NOX4: variants seen among roughly 807,000 people sequenced by gnomAD.
NOX4 encodes NADPH oxidase 4, also known as kidney oxidase-1.
A neutral mutation model predicts 87.6 loss-of-function variants in NOX4; 69 were observed. That is an observed-to-expected ratio of 0.79 (90% CI 0.65 to 0.96). The LOEUF (loss-of-function observed/expected upper bound fraction) is 0.96. Among genes scored for constraint, NOX4 ranks in the 40% least tolerant of loss-of-function variants. NOX4 has a pLI of 0.00. For missense variants in NOX4, 680 were observed against 681.5 expected (o/e 1.00, Z 0.02); for synonymous variants, 275 against 238.2 (o/e 1.15, Z -1.42).
intron 3 of NOX4, 91 bp from the exon 4 acceptor site, chr11:89,449,615 T>A: frequency 1.1e-5 from 11 of 967,036 alleles, no homozygotes; most frequent in South Asian, 1.6e-5. Context: ...TCAAAATTTT[T>A]AAAATATGGC....
intron 5 of NOX4, among the ~76,000 whole-genome samples, chr11:89,442,849 C>G (rs373751363): frequency 1.2e-3 from 189 of 151,830 alleles, no homozygotes; most frequent in South Asian, 9.1e-3. Context: ...TTATTAAAGA[C>G]ATGAATTCTG....
At chr11:89,346,551 G>C (rs1769852737) in intron 13 of NOX4, among the ~76,000 whole-genome samples, 1 of 117,042 alleles carries the variant, frequency 8.5e-6, no homozygotes, top group African/African-American at 4.3e-5. Context: ...TATGGCAGCT[G>C]AATGCAGGAT....
In NOX4 at chr11:89,342,176, G is replaced by C. The variant is rs1324699109; in HGVS notation, c.1235C>G (p.Pro412Arg). 1 of 1,612,750 alleles carries C rather than the reference G, an allele frequency of 6.2e-7. No individual in the cohort carries two copies. Among genetic ancestry groups the C allele is most frequent in the South Asian group, 1.1e-5 (1 of 90,992 alleles). Residue 412 changes from proline to arginine, a missense_variant, in exon 14 of 18, where the codon CCT (proline) becomes CGT (arginine). By Grantham distance (103) the Pro-to-Arg change is moderately radical. Transcript: ENST00000263317. ...RNYPKLYIDG[P>R]FGSPFEESLN... ...TGATTCCTCAAATGGACTTCCAAAA[G>C]GACCATCAATATACAGCCTGTAGAG...
At chr11:89,525,966 A>T in the NOX4 span, among the ~76,000 whole-genome samples, 1 of 152,088 alleles carries the variant, frequency 6.6e-6, no homozygotes, top group Non-Finnish European at 1.5e-5. Context: ...TGTTGAAAAG[A>T]TTCTCTTTCT....
chr11:89,424,257 A>G (rs1031162865), intron 7 of NOX4, among the ~76,000 whole-genome samples: 4 of 151,884 alleles, frequency 2.6e-5, no homozygotes, highest in South Asian at 2.1e-4. Context: ...TATAGTTAAT[A>G]AAAGGATTAT....
chr11:89,417,206 G>T (rs1942831633), intron 8 of NOX4, among the ~76,000 whole-genome samples: 1 of 152,062 alleles, frequency 6.6e-6, no homozygotes, highest in East Asian at 1.9e-4. Context: ...GCTGGGTTGG[G>T]CTCTTAAGCA....
intron 7 of NOX4, among the ~76,000 whole-genome samples, chr11:89,426,967 C>T (rs899204289): frequency 6.6e-6 from 1 of 152,210 alleles, no homozygotes; most frequent in Non-Finnish European, 1.5e-5. Flanking sequence ...CTAGGAGGCA[C>T]TCCCCAGTAG....
rs370884977 is a variant in NOX4, at chr11:89,394,792, G to A, written c.1074+5225C>T. On this transcript the variant is annotated intron_variant, in intron 11 of 17. Coordinates refer to ENST00000263317, the MANE Select transcript of NOX4 (RefSeq NM_016931.5). ...CTTGTGATAGTTTGCTCAGAATGATGGTTTCCAGCTTCATCCATGGCCCTA... is the reference window on the plus strand; with the variant it reads ...CTTGTGATAGTTTGCTCAGAATGATAGTTTCCAGCTTCATCCATGGCCCTA... Among the ~76,000 whole-genome samples, 3 of 152,078 alleles carry A rather than the reference G, an allele frequency of 2.0e-5. No homozygotes were observed. In the East Asian group the frequency reaches 5.8e-4, roughly 29 times the overall value.
chr11:89,559,312 T>C, the NOX4 span, among the ~76,000 whole-genome samples: 3 of 151,250 alleles, frequency 2.0e-5, no homozygotes, highest in Non-Finnish European at 4.4e-5. Context: ...GAGGAAGGAG[T>C]CTATTTTAAA....
chr11:89,572,551 T>G, the NOX4 span, among the ~76,000 whole-genome samples: 1 of 151,192 alleles, frequency 6.6e-6, no homozygotes, highest in African/African-American at 2.5e-5. Context: ...TTGTTTGTTT[T>G]GTTTTTCTGT....
chr11:89,464,231 G>C (rs1424931049), intron 2 of NOX4, among the ~76,000 whole-genome samples: 1 of 151,940 alleles, frequency 6.6e-6, no homozygotes, highest in Non-Finnish European at 1.5e-5. Context: ...GTGTCCCCTT[G>C]GGATAAATAG....
At chr11:89,385,772 G>A (rs959938180) in intron 11 of NOX4, among the ~76,000 whole-genome samples, 11 of 152,054 alleles carry the variant, frequency 7.2e-5, no homozygotes, top group Admixed American at 2.0e-4. Flanking sequence ...CACATGACCC[G>A]AGTCAGGAAA....
chr11:89,581,643 T>C, the NOX4 span, among the ~76,000 whole-genome samples: 1 of 152,154 alleles, frequency 6.6e-6, no homozygotes, highest in Middle Eastern at 3.2e-3. Flanking sequence ...TAAAATGTCA[T>C]GGTTCAAAGA....
intron 1 of NOX4, 38 bp from the exon 2 acceptor site, chr11:89,490,591 T>C (rs1232286792): frequency 1.4e-6 from 2 of 1,441,846 alleles, no homozygotes; most frequent in African/African-American, 2.8e-5. Context: ...AAACAAAAAT[T>C]GAAAATAATT....
chr11:89,368,597 T>C (rs1021070986), intron 12 of NOX4, among the ~76,000 whole-genome samples: 1 of 152,222 alleles, frequency 6.6e-6, no homozygotes, highest in Non-Finnish European at 1.5e-5. Context: ...ATCCCTTTCA[T>C]AAGGCACTAA....
At chr11:89,377,066 T>G (rs188630986) in intron 11 of NOX4, among the ~76,000 whole-genome samples, 1 of 152,048 alleles carries the variant, frequency 6.6e-6, no homozygotes, top group Non-Finnish European at 1.5e-5. Flanking sequence ...TCAAAATAAA[T>G]AAATAAATAC....
chr11:89,539,406 T>G, the NOX4 span, among the ~76,000 whole-genome samples: 1 of 152,058 alleles, frequency 6.6e-6, no homozygotes, highest in African/African-American at 2.4e-5. Context: ...CACTCCAGCT[T>G]GGGCAACAGA....
intron 8 of NOX4, among the ~76,000 whole-genome samples, chr11:89,413,248 C>T (rs568287617): frequency 6.6e-6 from 1 of 152,018 alleles, no homozygotes; most frequent in South Asian, 2.1e-4. Context: ...GTTAGCATAA[C>T]CCTTATGGGA....
upstream of NOX4, chr11:89,491,415 G>A (rs1946851186): frequency 3.3e-6 from 2 of 607,932 alleles, no homozygotes; most frequent in Non-Finnish European, 5.5e-6. Flanking sequence ...CCCGGGCGGG[G>A]TCTGCTACCC....
Sources: allele counts gnomAD v4.1 joint callset (sites outside exome capture counted in the v4.1 genomes callset), GRCh38; gene constraint gnomAD v4.1.1; transcripts MANE v1.5; gene names NCBI Gene and HGNC (gene_info 2026-07-23, HGNC 2026-07-21).